CSTA: variants seen among roughly 807,000 people sequenced by gnomAD.
CSTA encodes cystatin-A.
In CSTA, 9 loss-of-function variants were observed where a neutral mutation model predicts 9.2. The observed-to-expected ratio is 0.97, with a 90% CI of 0.59 to 1.70. CSTA has a LOEUF of 1.70. Among genes scored for constraint, CSTA ranks in the 40% most tolerant of loss-of-function variants. The pLI is 0.00. For missense variants in CSTA, 118 were observed against 113.1 expected, an observed-to-expected ratio of 1.04 and a Z score of -0.20; for synonymous variants, 36 against 40.6, an observed-to-expected ratio of 0.89 and a Z score of 0.43.
At chr3:122,332,820 C>T (rs2075212056) in intron 1 of CSTA, among the ~76,000 whole-genome samples, 1 of 152,204 alleles carries the variant, frequency 6.6e-6, no homozygotes, top group Admixed American at 6.5e-5. Flanking sequence ...CGTTCACCGC[C>T]AGTCTCCCAC....
At chr3:122,334,796 T>C (rs368454677) in intron 1 of CSTA, among the ~76,000 whole-genome samples, 3 of 152,194 alleles carry the variant, frequency 2.0e-5, no homozygotes, top group African/African-American at 7.2e-5. Context: ...TGGAAAATGC[T>C]GAGCAGTCTA....
At chr3:122,328,013 C>G (rs1057050590) in intron 1 of CSTA, among the ~76,000 whole-genome samples, 1 of 152,082 alleles carries the variant, frequency 6.6e-6, no homozygotes. Flanking sequence ...CCCTTTGGCT[C>G]CAATGTCATC....
intron 2 of CSTA, among the ~76,000 whole-genome samples, chr3:122,340,950 T>A (rs1453790010): frequency 6.6e-6 from 1 of 152,072 alleles, no homozygotes; most frequent in Non-Finnish European, 1.5e-5. Flanking sequence ...TACAATTTTT[T>A]TTTTTTTTTA....
chr3:122,334,823 A>C (rs902634777), intron 1 of CSTA, among the ~76,000 whole-genome samples: 4 of 152,236 alleles, frequency 2.6e-5, no homozygotes, highest in African/African-American at 9.6e-5. Context: ...AGCTAAGCCC[A>C]TAGAGGGGAA....
intron 1 of CSTA, among the ~76,000 whole-genome samples, chr3:122,330,062 G>A (rs1266346347): frequency 6.6e-6 from 1 of 152,178 alleles, no homozygotes; most frequent in Non-Finnish European, 1.5e-5. Context: ...ACAGCCCCAA[G>A]AGGCAGGTAT....
chr3:122,325,534 C>A (rs911898169), intron 1 of CSTA, among the ~76,000 whole-genome samples, 176 bp downstream of exon 1: 21 of 152,220 alleles, frequency 1.4e-4, no homozygotes, highest in Non-Finnish European at 2.2e-4. Context: ...CTCAAATAAT[C>A]CCCAAACTGT....
chr3:122,341,024 C>T (rs141557618), intron 2 of CSTA, among the ~76,000 whole-genome samples: 1 of 151,624 alleles, frequency 6.6e-6, no homozygotes, highest in Non-Finnish European at 1.5e-5. Context: ...TCACTGCAAC[C>T]TTCTCCTCCT....
intron 2 of CSTA, chr3:122,337,897 A>C (rs898542837): frequency 1.5e-5 from 7 of 464,572 alleles, no homozygotes; most frequent in African/African-American, 1.4e-4. Flanking sequence ...AAAAGATTTC[A>C]TAACAGTTCA....
At chr3:122,332,759 G>A (rs35968958) in intron 1 of CSTA, among the ~76,000 whole-genome samples, 14,357 of 152,174 alleles carry the variant, frequency 0.094, 1,317 homozygotes, top group East Asian at 0.43. Flanking sequence ...ACCATCACGC[G>A]TGGCAGACTG....
chr3:122,336,589 A>G (rs1357757021), intron 1 of CSTA, among the ~76,000 whole-genome samples: 3 of 152,204 alleles, frequency 2.0e-5, no homozygotes, highest in African/African-American at 7.2e-5. Flanking sequence ...CAACACCACA[A>G]TTAATCATTG....
chr3:122,337,732 T>G, intron 2 of CSTA, 84 bp downstream of exon 2: 1 of 954,472 alleles, frequency 1.0e-6, no homozygotes, highest in Non-Finnish European at 1.7e-6. Flanking sequence ...TACCACATAA[T>G]TCCTTCCTTA....
At chr3:122,338,390 G>A (rs983252366) in intron 2 of CSTA, 1 of 151,558 alleles carries the variant, frequency 6.6e-6, no homozygotes, top group African/African-American at 2.4e-5. Context: ...AAATATTCAA[G>A]TATATTTACT....
At position 122,341,963 on chromosome 3, in the gene CSTA, T is replaced by C; in HGVS notation, c.*396T>C. Reference sequence around the variant, plus strand: ...ATACTTCAAAATTAAATCAAGTATTTTACAAAGTGTGTGTGTGTGTGTGTG... The same window carrying C: ...ATACTTCAAAATTAAATCAAGTATTCTACAAAGTGTGTGTGTGTGTGTGTG... On this transcript the variant is annotated 3_prime_UTR_variant, in exon 3 of 3. Transcript: ENST00000264474. The C allele has an allele frequency of 3.9e-6, 1 of 258,684 alleles. No homozygotes were observed. Among genetic ancestry groups the C allele is most frequent in the East Asian group, 9.3e-5 (1 of 10,764 alleles). The allele number at this position is 258,684 out of a possible 1,614,324, so 16.0% of individuals were successfully genotyped here. A position where few individuals can be genotyped will look rare whatever the true frequency, so the allele number is the denominator to read the frequency against.
intron 2 of CSTA, among the ~76,000 whole-genome samples, chr3:122,339,864 G>A (rs2075255982): frequency 6.6e-6 from 1 of 152,084 alleles, no homozygotes; most frequent in Non-Finnish European, 1.5e-5. Context: ...CCCCAAAAAT[G>A]TTACATTGTA....
intron 1 of CSTA, among the ~76,000 whole-genome samples, chr3:122,335,009 C>T (rs375765388): frequency 3.9e-5 from 6 of 152,124 alleles, no homozygotes; most frequent in African/African-American, 1.4e-4. Context: ...TCCTCCACCC[C>T]GGCAGAAGAC....
At chr3:122,336,057 C>A (rs2075235748) in intron 1 of CSTA, among the ~76,000 whole-genome samples, 1 of 151,936 alleles carries the variant, frequency 6.6e-6, no homozygotes, top group Non-Finnish European at 1.5e-5. Context: ...TGTATATATG[C>A]ACACACATAC....
chr3:122,340,392 C>A (rs1327725421), intron 2 of CSTA, among the ~76,000 whole-genome samples: 1 of 152,106 alleles, frequency 6.6e-6, no homozygotes, highest in East Asian at 1.9e-4. Flanking sequence ...GCGACCTCCA[C>A]CTCCCGGATT....
chr3:122,329,531 A>G (rs2075191654), intron 1 of CSTA, among the ~76,000 whole-genome samples: 1 of 152,170 alleles, frequency 6.6e-6, no homozygotes, highest in African/African-American at 2.4e-5. Context: ...ACGCCACTGC[A>G]CTCCAGCCTG....
At chr3:122,340,102 A>G (rs944804493) in intron 2 of CSTA, among the ~76,000 whole-genome samples, 10 of 152,216 alleles carry the variant, frequency 6.6e-5, no homozygotes, top group African/African-American at 1.7e-4. Flanking sequence ...AACATTTGAT[A>G]TATGGCATTT....
Sources: allele counts gnomAD v4.1 joint callset (sites outside exome capture counted in the v4.1 genomes callset), GRCh38; gene constraint gnomAD v4.1.1; transcripts MANE v1.5; gene names NCBI Gene and HGNC (gene_info 2026-07-23, HGNC 2026-07-21).